PANK4: variants seen among roughly 807,000 people sequenced by gnomAD.
PANK4 encodes pantothenate kinase 4 (inactive), also known as 4'-phosphopantetheine phosphatase.
Under a neutral mutation model 87.9 loss-of-function variants are expected in PANK4, and 40 were observed. The observed-to-expected ratio is 0.46, with a 90% CI of 0.35 to 0.59. The LOEUF is 0.59. PANK4 is among the 20% of genes least tolerant of loss of function. The pLI is 0.00. For missense variants in PANK4, 926 were observed against 1,072.3 expected (o/e 0.86, Z 1.90); for synonymous variants, 524 against 467.4 (o/e 1.12, Z -1.56).
In PANK4 at chr1:2,526,557, T is replaced by C; in HGVS notation, c.31A>G (p.Ser11Gly). 4 of 1,602,794 alleles carry C rather than the reference T, an allele frequency of 2.5e-6. No homozygotes were observed. Among genetic ancestry groups the C allele is most frequent in the Non-Finnish European group, 3.4e-6 (4 of 1,175,360 alleles). Reference protein sequence around the residue: MAECGASGSGSSGDSLDKSIT... With the variant: MAECGASGSGGSGDSLDKSIT... The stretch of plus-strand genomic sequence containing the variant: ...CTCTTGTCCAGACTGTCCCCGCTGC[T>C]CCCGCTGCCGCTCGCTCCACACTCC... The change falls in exon 1 of 19, where the codon AGC (serine) becomes GGC (glycine). Residue 11 changes from serine to glycine, a missense_variant. Physicochemically the swap from Ser to Gly is moderately conservative, Grantham distance 56. Transcript: ENST00000378466.
chr1:2,519,848 C>T lies in PANK4; in HGVS notation c.806G>A (p.Gly269Glu). 1 of 1,575,112 alleles carries T rather than the reference C, an allele frequency of 6.3e-7. No individual in the cohort carries two copies. Among genetic ancestry groups the T allele is most frequent in the Non-Finnish European group, 8.6e-7 (1 of 1,161,082 alleles). Residue 269 changes from glycine to glutamate, a missense_variant, in exon 6 of 19, where the codon GGG (glycine) becomes GAG (glutamate). Transcript: ENST00000378466. The surrounding 1 kb of genome is among the most constrained non-coding windows in gnomAD (Gnocchi z 8.3). ...GGAHQTLGLSGNLIASSFGKS... is the reference protein window; with the variant it reads ...GGAHQTLGLSENLIASSFGKS... Reference sequence around the variant, plus strand: ...CCCGAAGCTGCTGGCGATGAGGTTCCCGCTCAGCCCGAGAGTCTGGTGGGC... The same window carrying T: ...CCCGAAGCTGCTGGCGATGAGGTTCTCGCTCAGCCCGAGAGTCTGGTGGGC...
Position 2,510,683 on chromosome 1 carries a change from T to A in PANK4, c.1933A>T (p.Thr645Ser). Residue 645 changes from threonine to serine, a missense_variant, in exon 16 of 19, where the codon ACA becomes TCA. Transcript: ENST00000378466. The surrounding 1 kb of genome is among the most constrained non-coding windows in gnomAD (Gnocchi z 4.9). ...PFVRELLLRG[T>S]EVILACNSGP... The stretch of plus-strand genomic sequence containing the variant: ...CCCACCACCTCAACACTCACCTCTG[T>A]CCCTCTAAGGAGTAGCTCCCTGACA... 6.4e-7 allele frequency: 1 copy of A among 1,573,250 alleles called. No individual in the cohort carries two copies. Among genetic ancestry groups the A allele is most frequent in the Non-Finnish European group, 8.7e-7 (1 of 1,144,058 alleles).
chr1:2,516,474 C>T (rs1333751649), intron 9 of PANK4, among the ~76,000 whole-genome samples: 1 of 152,230 alleles, frequency 6.6e-6, no homozygotes, highest in Non-Finnish European at 1.5e-5. Flanking sequence ...TCTGCACGCT[C>T]ACCGCAGCAG....
chr1:2,515,691 C>T lies in PANK4; in HGVS notation c.1245G>A (p.Leu415=), dbSNP rs146244224. 44 of 1,612,994 alleles carry T rather than the reference C, an allele frequency of 2.7e-5. No individual in the cohort carries two copies. The highest frequency in any genetic ancestry group is 3.6e-5 in the Non-Finnish European group (42 of 1,179,938). ...GCGGCAGGTCAACCAGTGGCCTCTC[C>T]AGCCGGTCCATTTCCAGCAAGTCAA... is the stretch of plus-strand genomic sequence containing the variant. ...GTFDLLEMDR[L]ERPLVDLPLL... The change falls in exon 10 of 19, where the codon CTG becomes CTA. Residue 415 remains leucine (L), a synonymous_variant. Coordinates refer to ENST00000378466, the MANE Select transcript of PANK4 (RefSeq NM_018216.4). This position sits in a 1 kb window ranked among gnomAD's most constrained non-coding sequence, Gnocchi z 5.0.
intron 2 of PANK4, 198 bp from the exon 3 acceptor site, chr1:2,521,513 C>T (rs1643875044): frequency 2.9e-6 from 2 of 691,602 alleles, no homozygotes. Context: ...GAAGCCTCTC[C>T]CGGGGGAGCA....
Position 2,511,686 on chromosome 1 carries a change from G to T in PANK4, c.1728-3C>A. 1 of 1,590,888 alleles carries T rather than the reference G, an allele frequency of 6.3e-7. No homozygotes were observed. Among genetic ancestry groups the T allele is most frequent in the Non-Finnish European group, 8.6e-7 (1 of 1,159,318 alleles). ...AGTAGGGGTCGGATTCAAGGACACT[G>T]CATGGAGGAGGAGAAAAGAAAATTA... On this transcript the variant is annotated splice_region_variant and splice_polypyrimidine_tract_variant and intron_variant, in intron 13 of 18. Transcript: ENST00000378466.
In PANK4 at chr1:2,510,472, C is replaced by G; in HGVS notation, c.1938+206G>C. 1.2e-5 allele frequency: 7 copies of G among 602,142 alleles called. No individual in the cohort carries two copies. In the South Asian group the frequency reaches 1.2e-4, roughly 10 times the overall value. 37.3% of individuals were successfully genotyped at this position (602,142 alleles called of 1,614,324 possible). On this transcript the variant is annotated intron_variant, in intron 16 of 18. Coordinates refer to ENST00000378466, the MANE Select transcript of PANK4 (RefSeq NM_018216.4). This position sits in a 1 kb window ranked among gnomAD's most constrained non-coding sequence, Gnocchi z 4.9. ...CTGGCGTCAACCCTGGGCTTCAGCA[C>G]ATGGACCCTCAGCCTGAGCCCAGGG...
rs779889996 is a variant in PANK4, at chr1:2,510,034, C to T, written c.2039+23G>A. On this transcript the variant is annotated intron_variant, in intron 17 of 18. Coordinates refer to ENST00000378466, the MANE Select transcript of PANK4 (RefSeq NM_018216.4). The surrounding 1 kb of genome is among the most constrained non-coding windows in gnomAD (Gnocchi z 4.9). ...GTGCCCCTCCCCATCAAGGCCCCCC[C>T]AGCACTGCCCGCCAACACTCACTGC... 1.9e-6 allele frequency: 3 copies of T among 1,589,098 alleles called. No homozygotes were observed. The highest frequency in any genetic ancestry group is 1.7e-6 in the Non-Finnish European group (2 of 1,163,052).
chr1:2,511,622 C>G lies in PANK4; in HGVS notation c.1783+6G>C. 1 of 1,599,228 alleles carries G rather than the reference C, an allele frequency of 6.3e-7. No individual in the cohort carries two copies. The highest frequency in any genetic ancestry group is 8.6e-7 in the Non-Finnish European group (1 of 1,166,734). On this transcript the variant is annotated splice_donor_region_variant and intron_variant, in intron 14 of 18. Coordinates refer to ENST00000378466, the MANE Select transcript of PANK4 (RefSeq NM_018216.4). The stretch of plus-strand genomic sequence containing the variant: ...GCAAGGCCCCAAGTTACTTGGCCAT[C>G]CGTACCTTGTAACTTCCTCTTTGCT...
intron 1 of PANK4, among the ~76,000 whole-genome samples, chr1:2,523,658 G>C (rs1161062288): frequency 6.6e-6 from 1 of 152,220 alleles, no homozygotes; most frequent in African/African-American, 2.4e-5. Context: ...GAGAGGCCCA[G>C]CAAGGCCAGT....
At position 2,518,280 on chromosome 1, in the gene PANK4, C is replaced by G; in HGVS notation, c.1118-16G>C. 6.3e-7 allele frequency: 1 copy of G among 1,575,948 alleles called. No homozygotes were observed. ...TGGTTAGGATCTGGAAAGCAAGAAGCCAGGTCACTTGTGTTAACCTTGCCC... is the reference window on the plus strand; with the variant it reads ...TGGTTAGGATCTGGAAAGCAAGAAGGCAGGTCACTTGTGTTAACCTTGCCC... On this transcript the variant is annotated splice_polypyrimidine_tract_variant and intron_variant, in intron 8 of 18. Transcript: ENST00000378466.
chr1:2,518,645 C>T (rs1476717151), intron 7 of PANK4, 48 bp from the exon 8 acceptor site: 31 of 1,459,276 alleles, frequency 2.1e-5, no homozygotes, highest in South Asian at 6.1e-5. Context: ...ACACAACACC[C>T]GGTGCCTCCG....
rs561307573 is a variant in PANK4 at position 2,508,623 on chromosome 1, T to C, written c.*224A>G. On this transcript the variant is annotated 3_prime_UTR_variant, in exon 19 of 19. Transcript: ENST00000378466. The surrounding 1 kb of genome is among the most constrained non-coding windows in gnomAD (Gnocchi z 5.1). ...ATAGATCTCTCTATTTATATATATA[T>C]ATATATAAAAGGTTCTTTAGCAGTT... The C allele has an allele frequency of 3.6e-5, 10 of 275,842 alleles. No individual in the cohort carries two copies. Among genetic ancestry groups the C allele is most frequent in the Non-Finnish European group, 6.5e-5 (10 of 153,072 alleles). The allele number at this position is 275,842 out of a possible 1,614,324, so 17.1% of individuals were successfully genotyped here. A position where few individuals can be genotyped will look rare whatever the true frequency, so the allele number is the denominator to read the frequency against.
In PANK4 at chr1:2,520,662, C is replaced by T. The variant is rs558695938; in HGVS notation, c.606+61G>A. 5.0e-5 allele frequency: 76 copies of T among 1,512,030 alleles called. No individual in the cohort carries two copies. Among genetic ancestry groups the T allele is most frequent in the African/African-American group, 1.8e-4 (13 of 72,446 alleles). The allele number at this position is 1,512,030 out of a possible 1,614,324, so 93.7% of individuals were successfully genotyped here. On this transcript the variant is annotated intron_variant, in intron 4 of 18. Coordinates refer to ENST00000378466, the MANE Select transcript of PANK4 (RefSeq NM_018216.4). The surrounding 1 kb of genome is among the most constrained non-coding windows in gnomAD (Gnocchi z 6.2). Reference sequence around the variant, plus strand: ...GCCCAGCCCTGGCTCCTGCACACAGCGAGGGCTTAACAAACTATGGCTAAA... The same window carrying T: ...GCCCAGCCCTGGCTCCTGCACACAGTGAGGGCTTAACAAACTATGGCTAAA...
rs779460895 is a variant in PANK4, at chr1:2,514,130, C to G, written c.1488-41G>C. On this transcript the variant is annotated intron_variant, in intron 11 of 18. Transcript: ENST00000378466. Reference sequence around the variant, plus strand: ...GCAGAGGGCGCTGAGCAGGGCAGGCCGAACACCCGCCCGTCTGCCATCCTC... The same window carrying G: ...GCAGAGGGCGCTGAGCAGGGCAGGCGGAACACCCGCCCGTCTGCCATCCTC... The G allele has an allele frequency of 4.7e-6, 7 of 1,501,786 alleles. No homozygotes were observed. The African/African-American group carries it at 6.9e-5, about 15-fold the overall frequency. The allele number at this position is 1,501,786 out of a possible 1,614,324, so 93.0% of individuals were successfully genotyped here. A position where few individuals can be genotyped will look rare whatever the true frequency, so the allele number is the denominator to read the frequency against.
chr1:2,526,377 G>A (rs1643924183), intron 1 of PANK4, 87 bp downstream of exon 1: 1 of 808,412 alleles, frequency 1.2e-6, no homozygotes, highest in Non-Finnish European at 1.5e-6. Context: ...CCCGCCCTTC[G>A]TCCTTCCCGC....
Position 2,510,742 on chromosome 1 carries a change from C to T in PANK4, c.1874G>A (p.Ser625Asn). ...HKCALIFADN[S>N]GIDIILGVFP... ...GACTCCCAAAATGATGTCTATTCCA[C>T]TGTTATCTGCGAAAATTAAGGCACA... The change falls in exon 16 of 19, where the codon AGT (serine) becomes AAT (asparagine). Residue 625 changes from serine (S) to asparagine (N), a missense_variant. Transcript: ENST00000378466. This position sits in a 1 kb window ranked among gnomAD's most constrained non-coding sequence, Gnocchi z 4.9. 1 of 1,612,650 alleles carries T rather than the reference C, an allele frequency of 6.2e-7. No homozygotes were observed. Among genetic ancestry groups the T allele is most frequent in the Non-Finnish European group, 8.5e-7 (1 of 1,179,232 alleles).
chr1:2,508,631 A>T lies in PANK4; in HGVS notation c.*216T>A, dbSNP rs912039602. 216 of 305,812 alleles carry T rather than the reference A, an allele frequency of 7.1e-4. No individual in the cohort carries two copies. The highest frequency in any genetic ancestry group is 9.0e-4 in the Non-Finnish European group (155 of 171,954). The allele number at this position is 305,812 out of a possible 1,614,324, so 18.9% of individuals were successfully genotyped here. On this transcript the variant is annotated 3_prime_UTR_variant, in exon 19 of 19. Coordinates refer to ENST00000378466, the MANE Select transcript of PANK4 (RefSeq NM_018216.4). This position sits in a 1 kb window ranked among gnomAD's most constrained non-coding sequence, Gnocchi z 5.1. ...CTCTATTTATATATATATATATATA[A>T]AAGGTTCTTTAGCAGTTAAATAGAT...
Position 2,520,923 on chromosome 1 carries a change from A to C in PANK4, c.423-17T>G, listed in dbSNP as rs370085612. On this transcript the variant is annotated splice_polypyrimidine_tract_variant and intron_variant, in intron 3 of 18. Coordinates refer to ENST00000378466, the MANE Select transcript of PANK4 (RefSeq NM_018216.4). The surrounding 1 kb of genome is among the most constrained non-coding windows in gnomAD (Gnocchi z 6.2). The stretch of plus-strand genomic sequence containing the variant: ...TTGTCGACTCTGAAAAGGAAGCGCC[A>C]ACCCCTTAAAGAGTCTGGGCCACAG... 3.3e-5 allele frequency: 51 copies of C among 1,543,324 alleles called. No homozygotes were observed. In the African/African-American group the frequency reaches 6.7e-4, roughly 20 times the overall value.
Sources: allele counts gnomAD v4.1 joint callset (sites outside exome capture counted in the v4.1 genomes callset), GRCh38; gene constraint gnomAD v4.1.1; non-coding constraint Gnocchi (gnomAD v3.1); transcripts MANE v1.5; gene names NCBI Gene and HGNC (gene_info 2026-07-23, HGNC 2026-07-21).